Variants in CASK observed in about 807,000 individuals in gnomAD.
CASK encodes calcium/calmodulin dependent serine protein kinase.
A neutral mutation model predicts 82.9 loss-of-function variants in CASK; 4 were observed. The observed-to-expected ratio is 0.05, with a 90% CI of 0.02 to 0.11. CASK has a LOEUF of 0.11. Ranked by LOEUF, CASK falls within the 10% of genes least tolerant of loss-of-function variation. The pLI is 1.00. For missense variants in CASK, 358 were observed against 720.9 expected (o/e 0.50, Z 5.76); for synonymous variants, 259 against 253.5 (o/e 1.02, Z -0.20).
chrX:41,821,587 C>T (rs2070542465), intron 2 of CASK, among the ~76,000 whole-genome samples: 1 of 112,278 alleles, frequency 8.9e-6, no homozygotes, highest in Admixed American at 9.4e-5. Context: ...AAAAGATTTA[C>T]ATTCAAACAT....
At chrX:41,524,908 G>A (rs749604842) in intron 25 of CASK, among the ~76,000 whole-genome samples, 1 of 111,593 alleles carries the variant, frequency 9.0e-6, no homozygotes, top group South Asian at 3.8e-4. Flanking sequence ...TGACTGACAT[G>A]TGATTAATTC....
At chrX:41,611,627 CT>C (rs1338070854) in intron 11 of CASK, among the ~76,000 whole-genome samples, 2 of 57,884 alleles carry the variant, frequency 3.5e-5, no homozygotes, top group African/African-American at 6.6e-5. Context: ...CTCTCCCTCT[CT>C]CTCTCCCTCT....
intron 3 of CASK, among the ~76,000 whole-genome samples, chrX:41,770,321 C>CT (rs1569441821): frequency 1.2e-3 from 118 of 101,064 alleles, no homozygotes; most frequent in African/African-American, 2.3e-3. Context: ...CCTATCCATC[C>CT]ATCCATCCAT....
At chrX:41,812,368 A>AG (rs752834473) in intron 2 of CASK, among the ~76,000 whole-genome samples, 9 of 111,811 alleles carry the variant, frequency 8.0e-5, no homozygotes, top group Non-Finnish European at 1.7e-4. Flanking sequence ...CGAATCCAGC[A>AG]GCACATCAAA....
intron 11 of CASK, among the ~76,000 whole-genome samples, chrX:41,615,379 G>A (rs1220467595): frequency 9.0e-6 from 1 of 111,249 alleles, no homozygotes; most frequent in African/African-American, 3.3e-5. Flanking sequence ...GCCTTGGAAA[G>A]CAAGAGATGA....
intron 14 of CASK, among the ~76,000 whole-genome samples, chrX:41,583,262 G>C (rs1283601826): frequency 1.8e-5 from 2 of 110,978 alleles, no homozygotes; most frequent in Non-Finnish European, 3.8e-5. Context: ...TCATACAATG[G>C]GCTATATGAG....
intron 2 of CASK, among the ~76,000 whole-genome samples, chrX:41,794,238 T>C (rs1026706617): frequency 1.8e-5 from 2 of 112,383 alleles, no homozygotes; most frequent in Non-Finnish European, 1.9e-5. Context: ...CAGCATACCA[T>C]TAATTCAGTG....
rs756759568 is a variant in CASK at position 41,554,387 on chromosome X, T to C, written c.1843-472A>G. Among the ~76,000 whole-genome samples, 10 of 112,108 alleles carry C rather than the reference T, an allele frequency of 8.9e-5. No individual in the cohort carries two copies. In the South Asian group the frequency reaches 1.1e-3, roughly 12 times the overall value. ...AATTAGCAAGAACTCTGGGTTGGTA[T>C]CTTGCTGTAGAATGCTTATATGACA... On this transcript the variant is annotated intron_variant, in intron 20 of 26. Transcript: ENST00000378163.
At chrX:41,757,369 T>C (rs1247139048) in intron 3 of CASK, among the ~76,000 whole-genome samples, 2 of 111,486 alleles carry the variant, frequency 1.8e-5, no homozygotes, top group East Asian at 5.6e-4. Context: ...ATCTGACTCC[T>C]ACACTGGTGC....
At chrX:41,772,313 T>A (rs1207906097) in intron 3 of CASK, among the ~76,000 whole-genome samples, 1 of 78,161 alleles carries the variant, frequency 1.3e-5, no homozygotes, top group African/African-American at 5.4e-5. Flanking sequence ...ATCACGCCAC[T>A]CCAGCCTGGG....
intron 3 of CASK, among the ~76,000 whole-genome samples, chrX:41,749,684 GC>G (rs1310869986): frequency 9.1e-6 from 1 of 110,235 alleles, no homozygotes; most frequent in Non-Finnish European, 1.9e-5. Context: ...ACCACAACTG[GC>G]CTTCACCAAC....
In CASK at chrX:41,576,078, G is replaced by A. The variant is rs776010497; in HGVS notation, c.1503+2262C>T. On this transcript the variant is annotated intron_variant, in intron 15 of 26. Coordinates refer to ENST00000378163, the MANE Select transcript of CASK (RefSeq NM_001367721.1). ...CAACCTCCGCCTCCCGGGTTCAAGC[G>A]ATTCTTCTGCCTCAGCCTCCTGAGT... is the stretch of plus-strand genomic sequence containing the variant. Among the ~76,000 whole-genome samples the A allele has an allele frequency of 1.5e-4, 16 of 109,350 alleles. No homozygotes were observed. The East Asian group carries it at 4.6e-3, about 31-fold the overall frequency. The allele number at this position is 109,350 out of a possible 115,157, so 95.0% of individuals were successfully genotyped here.
At position 41,923,066 on chromosome X, in the gene CASK, C is replaced by T; in HGVS notation, c.-78G>A. On this transcript the variant is annotated 5_prime_UTR_variant, in exon 1 of 27. Coordinates refer to ENST00000378163, the MANE Select transcript of CASK (RefSeq NM_001367721.1). ...GGGCGCCCAAGAGCTCAGTGCCCAG[C>T]CCCGGGATCGCCTCCTCCCCTCAGG... 2 of 950,509 alleles carry T rather than the reference C, an allele frequency of 2.1e-6. No individual in the cohort carries two copies. Among genetic ancestry groups the T allele is most frequent in the East Asian group, 3.1e-5 (1 of 31,960 alleles). The allele number at this position is 950,509 out of a possible 1,213,427, so 78.3% of individuals were successfully genotyped here. A position where few individuals can be genotyped will look rare whatever the true frequency, so the allele number is the denominator to read the frequency against.
At chrX:41,526,771 C>T (rs1182929395) in intron 25 of CASK, among the ~76,000 whole-genome samples, 2 of 111,892 alleles carry the variant, frequency 1.8e-5, no homozygotes, top group Non-Finnish European at 3.8e-5. Context: ...TATTTGCTTT[C>T]TCCTCCTTTT....
chrX:41,652,666 C>A (rs1319158356), intron 8 of CASK, among the ~76,000 whole-genome samples: 1 of 111,511 alleles, frequency 9.0e-6, no homozygotes, highest in Non-Finnish European at 1.9e-5. Context: ...TCCATAGAAA[C>A]CCAAAAGGAC....
At chrX:41,611,634 C>T (rs867048774) in intron 11 of CASK, among the ~76,000 whole-genome samples, 81 of 53,652 alleles carry the variant, frequency 1.5e-3, no homozygotes, top group African/African-American at 4.9e-3. Context: ...TCTCTCTCTC[C>T]CTCTCCCTCT....
At chrX:41,874,191 T>A (rs1416156751) in intron 1 of CASK, among the ~76,000 whole-genome samples, 6 of 111,242 alleles carry the variant, frequency 5.4e-5, no homozygotes, top group Admixed American at 1.9e-4. Context: ...TTTTTAAAAA[T>A]TTTAAGTTCT....
Position 41,915,618 on chromosome X carries a change from C to T in CASK, c.59+7312G>A, listed in dbSNP as rs193219009. Among the ~76,000 whole-genome samples the T allele has an allele frequency of 6.4e-3, 711 of 111,474 alleles. 5 individuals carry two copies. The highest frequency in any genetic ancestry group is 0.023 in the South Asian group (61 of 2,650). The stretch of plus-strand genomic sequence containing the variant: ...GTGGCTCACGCCTGTAATCCCAGCA[C>T]TTTGGGAGACCAAGGCAGGTGGATC... On this transcript the variant is annotated intron_variant, in intron 1 of 26. Transcript: ENST00000378163.
At chrX:41,907,047 T>C (rs2072481980) in intron 1 of CASK, among the ~76,000 whole-genome samples, 1 of 112,146 alleles carries the variant, frequency 8.9e-6, no homozygotes, top group South Asian at 3.7e-4. Context: ...GGGCAAAAGG[T>C]ATGAAGTAAG....
Sources: gnomAD v4.1 joint callset for allele counts (sites outside exome capture counted in the v4.1 genomes callset) on GRCh38, gnomAD v4.1.1 for gene constraint, MANE v1.5 for transcripts, NCBI Gene and HGNC (gene_info 2026-07-23, HGNC 2026-07-21) for gene names.